MINAR1: variants seen among roughly 807,000 people sequenced by gnomAD.
MINAR1 encodes major intrinsically disordered Notch2-binding receptor 1.
A neutral mutation model predicts 65.1 loss-of-function variants in MINAR1; 40 were observed. The ratio of observed to expected loss-of-function variants is 0.61; its 90% confidence interval spans 0.48 to 0.80. The LOEUF (loss-of-function observed/expected upper bound fraction) is 0.80. Ranked by LOEUF, MINAR1 falls within the 30% of genes least tolerant of loss-of-function variation. The probability of loss-of-function intolerance (pLI) is 0.00; values close to 1 mark genes in which losing one functional copy is unlikely to be tolerated. For missense variants in MINAR1, 1,128 were observed against 1,148.0 expected (o/e 0.98, Z 0.25); for synonymous variants, 482 against 449.1 (o/e 1.07, Z -0.93).
the MINAR1 span, chr15:79,418,634 C>T: frequency 1.3e-5 from 2 of 152,274 alleles, no homozygotes; most frequent in African/African-American, 2.4e-5. Flanking sequence ...CATAAGTGAA[C>T]AATTTGGGAC....
chr15:79,417,068 C>A, the MINAR1 span: 1 of 152,244 alleles, frequency 6.6e-6, no homozygotes, highest in African/African-American at 2.4e-5. Context: ...GCTCACCTGA[C>A]TTTGTCCACC....
At chr15:79,424,660 T>C in the MINAR1 span, 4 of 152,266 alleles carry the variant, frequency 2.6e-5, no homozygotes, top group African/African-American at 9.6e-5. Flanking sequence ...TATTATGTGC[T>C]GGGTCTTGCA....
chr15:79,456,694 A>G lies in MINAR1; in HGVS notation c.547A>G (p.Lys183Glu). The G allele has an allele frequency of 6.2e-7, 1 of 1,614,162 alleles. No individual in the cohort carries two copies. The highest frequency in any genetic ancestry group is 8.5e-7 in the Non-Finnish European group (1 of 1,180,042). Reference sequence around the variant, plus strand: ...GCCTAACTTCCTGTTGGGAGTTAGCAAAGAGGTGAAAAACCGCGCCGCTTC... The same window carrying G: ...GCCTAACTTCCTGTTGGGAGTTAGCGAAGAGGTGAAAAACCGCGCCGCTTC... ...SEPNFLLGVS[K>E]EVKNRAASLD... Residue 183 changes from lysine to glutamate, a missense_variant, in exon 2 of 4, where the codon AAA becomes GAA. Coordinates refer to ENST00000305428, the MANE Select transcript of MINAR1 (RefSeq NM_015206.3).
At chr15:79,436,969 T>C (rs944435317) in intron 1 of MINAR1, among the ~76,000 whole-genome samples, 1 of 152,224 alleles carries the variant, frequency 6.6e-6, no homozygotes, top group Non-Finnish European at 1.5e-5. Flanking sequence ...TAGTGAACAA[T>C]TTTGACCTTC....
At chr15:79,468,156 T>G in intron 3 of MINAR1, 31 bp from the exon 4 acceptor site, 2 of 1,575,884 alleles carry the variant, frequency 1.3e-6, no homozygotes, top group Non-Finnish European at 1.7e-6. Flanking sequence ...AAGTATTCAC[T>G]GTATTTCTAA....
rs1894472787 is a variant in MINAR1, at chr15:79,432,549, G to A, written c.-51+9G>A. ...CCCGGGGCGCCTCGGAGGTAAGTTC[G>A]GAGAGCCCGGGCCGGGCGGAGGGCG... On this transcript the variant is annotated intron_variant, in intron 1 of 3. Coordinates refer to ENST00000305428, the MANE Select transcript of MINAR1 (RefSeq NM_015206.3). The A allele has an allele frequency of 6.6e-6, 1 of 152,550 alleles. No homozygotes were observed. Among genetic ancestry groups the A allele is most frequent in the Admixed American group, 6.5e-5 (1 of 15,294 alleles). 9.4% of individuals were successfully genotyped at this position (152,550 alleles called of 1,614,324 possible). A position where few individuals can be genotyped will look rare whatever the true frequency, so the allele number is the denominator to read the frequency against.
At position 79,447,942 on chromosome 15, in the gene MINAR1, T is replaced by C. The variant is rs184154499; in HGVS notation, c.-50-8156T>C. Among the ~76,000 whole-genome samples, 167 of 152,310 alleles carry C rather than the reference T, an allele frequency of 1.1e-3. 2 individuals carry two copies. The highest frequency in any genetic ancestry group is 9.5e-3 in the Admixed American group (146 of 15,308). On this transcript the variant is annotated intron_variant, in intron 1 of 3. Coordinates refer to ENST00000305428, the MANE Select transcript of MINAR1 (RefSeq NM_015206.3). ...AGCTTTATGCAGACATCTGTGTTTC[T>C]ACTCTCCATCTCATGGAAGGCCTAT... is the stretch of plus-strand genomic sequence containing the variant.
Position 79,456,795 on chromosome 15 carries a change from C to T in MINAR1, c.648C>T (p.Phe216=). 1 of 1,614,224 alleles carries T rather than the reference C, an allele frequency of 6.2e-7. No homozygotes were observed. The highest frequency in any genetic ancestry group is 8.5e-7 in the Non-Finnish European group (1 of 1,180,036). Residue 216 remains phenylalanine (F), a synonymous_variant, in exon 2 of 4, where the codon TTC becomes TTT. Coordinates refer to ENST00000305428, the MANE Select transcript of MINAR1 (RefSeq NM_015206.3). ...PQPCEMQRTY[F]PMNIENESIS... Reference sequence around the variant, plus strand: ...CCTGTGAGATGCAGAGGACCTACTTCCCCATGAACATCGAAAACGAGTCCA... The same window carrying T: ...CCTGTGAGATGCAGAGGACCTACTTTCCCATGAACATCGAAAACGAGTCCA...
chr15:79,431,761 G>T (rs762989037), upstream of MINAR1, among the ~76,000 whole-genome samples: 2 of 152,218 alleles, frequency 1.3e-5, no homozygotes, highest in Admixed American at 6.5e-5. Context: ...GGGGAGACGC[G>T]AACCCCGCGG....
At chr15:79,414,722 T>G in the MINAR1 span, 1 of 152,100 alleles carries the variant, frequency 6.6e-6, no homozygotes, top group Non-Finnish European at 1.5e-5. Flanking sequence ...AAATAATTAT[T>G]GAGAAGGTAT....
Position 79,457,413 on chromosome 15 carries a change from A to G in MINAR1, c.1266A>G (p.Pro422=), listed in dbSNP as rs1470058487. Residue 422 remains proline, a synonymous_variant, in exon 2 of 4, where the codon CCA becomes CCG. Coordinates refer to ENST00000305428, the MANE Select transcript of MINAR1 (RefSeq NM_015206.3). ...PTYLVPKDQQ[P]ILPIAYAAKQ... ...ACCTTGTGCCAAAGGATCAACAGCC[A>G]ATTCTCCCCATTGCTTATGCGGCAA... 1 of 1,614,230 alleles carries G rather than the reference A, an allele frequency of 6.2e-7. No individual in the cohort carries two copies. Among genetic ancestry groups the G allele is most frequent in the Admixed American group, 1.7e-5 (1 of 60,032 alleles).
chr15:79,454,465 A>C (rs542354297), intron 1 of MINAR1, among the ~76,000 whole-genome samples: 1 of 152,322 alleles, frequency 6.6e-6, no homozygotes, highest in African/African-American at 2.4e-5. Context: ...TCAAAATACT[A>C]ATTTTCTAAG....
In MINAR1 at chr15:79,456,333, C is replaced by G; in HGVS notation, c.186C>G (p.Ala62=). ...YTACLDPNFP[A]TLFKDKMKCT... Reference sequence around the variant, plus strand: ...CTTGTCTCGATCCCAATTTTCCAGCCACGCTATTCAAAGACAAGATGAAAT... The same window carrying G: ...CTTGTCTCGATCCCAATTTTCCAGCGACGCTATTCAAAGACAAGATGAAAT... The change falls in exon 2 of 4, where the codon GCC becomes GCG. Residue 62 remains alanine, a synonymous_variant. Coordinates refer to ENST00000305428, the MANE Select transcript of MINAR1 (RefSeq NM_015206.3). 6.2e-7 allele frequency: 1 copy of G among 1,614,224 alleles called. No homozygotes were observed. The highest frequency in any genetic ancestry group is 2.2e-5 in the East Asian group (1 of 44,894).
chr15:79,424,247 G>C, the MINAR1 span: 5 of 152,334 alleles, frequency 3.3e-5, no homozygotes, highest in Admixed American at 6.5e-5. Context: ...TTCAGATAGA[G>C]AGACCAGGCT....
At chr15:79,461,151 G>T (rs1895629101) in intron 2 of MINAR1, among the ~76,000 whole-genome samples, 1 of 152,194 alleles carries the variant, frequency 6.6e-6, no homozygotes, top group Admixed American at 6.5e-5. Context: ...TATATTGACT[G>T]CCCAGTGAGA....
At chr15:79,428,336 C>T (rs1894362836), upstream of MINAR1, among the ~76,000 whole-genome samples, 1 of 107,690 alleles carries the variant, frequency 9.3e-6, no homozygotes, top group South Asian at 4.3e-4. Context: ...CCTCCTCTAC[C>T]TCCCCCATCC....
chr15:79,431,612 G>T (rs1007032263), upstream of MINAR1, among the ~76,000 whole-genome samples: 1 of 152,226 alleles, frequency 6.6e-6, no homozygotes, highest in Non-Finnish European at 1.5e-5. Flanking sequence ...ATCAGTGAGT[G>T]AAGTGACCAC....
Position 79,458,310 on chromosome 15 carries a change from C to T in MINAR1, c.2163C>T (p.Ser721=). ...CAGAGGAGAACAGTGCCACAGAGTC[C>T]AAAATTGCCAGCATCTCCAACTCGC... The part of the protein sequence containing the change: ...SLTEENSATE[S]KIASISNSPR... Residue 721 remains serine, a synonymous_variant, in exon 2 of 4, where the codon TCC becomes TCT. Coordinates refer to ENST00000305428, the MANE Select transcript of MINAR1 (RefSeq NM_015206.3). 1.9e-6 allele frequency: 3 copies of T among 1,614,166 alleles called. No homozygotes were observed. The highest frequency in any genetic ancestry group is 2.5e-6 in the Non-Finnish European group (3 of 1,180,030).
At chr15:79,424,296 C>T in the MINAR1 span, 1 of 152,356 alleles carries the variant, frequency 6.6e-6, no homozygotes, top group South Asian at 2.1e-4. Flanking sequence ...CACCAGCAAT[C>T]CCTTAAGTAC....
Sources: gnomAD v4.1 joint callset for allele counts (sites outside exome capture counted in the v4.1 genomes callset) on GRCh38, gnomAD v4.1.1 for gene constraint, MANE v1.5 for transcripts, NCBI Gene and HGNC (gene_info 2026-07-23, HGNC 2026-07-21) for gene names.